The following PHACTR1 variants were observed in gnomAD, a reference collection of about 807,000 sequenced individuals.
PHACTR1 encodes phosphatase and actin regulator 1.
PHACTR1 carries 16 observed loss-of-function variants against 69.2 expected under a neutral mutation model. The ratio of observed to expected loss-of-function variants is 0.23; its 90% CI spans 0.16 to 0.35. PHACTR1 has a LOEUF of 0.35. Ranked by LOEUF, PHACTR1 falls within the 10% of genes least tolerant of loss-of-function variation. The probability of loss-of-function intolerance (pLI) is 1.00; values close to 1 mark genes in which losing one functional copy is unlikely to be tolerated. For synonymous variants in PHACTR1, 312 were observed against 284.5 expected, an observed-to-expected ratio of 1.10 and a Z score of -0.97; for missense variants, 510 against 734.7, an observed-to-expected ratio of 0.69 and a Z score of 3.54.
intron 8 of PHACTR1, among the ~76,000 whole-genome samples, chr6:13,209,206 G>A (rs1179470386): frequency 6.6e-6 from 1 of 152,198 alleles, no homozygotes; most frequent in African/African-American, 2.4e-5. Context: ...CAAGGTCACA[G>A]GCCACACTTT....
At chr6:12,778,831 T>G (rs1055076481) in intron 4 of PHACTR1, among the ~76,000 whole-genome samples, 1 of 152,204 alleles carries the variant, frequency 6.6e-6, no homozygotes, top group Non-Finnish European at 1.5e-5. Context: ...TTTTTCTGTA[T>G]AGTATATTAC....
At chr6:13,266,788 T>C (rs1776788152) in intron 10 of PHACTR1, 2 of 152,222 alleles carry the variant, frequency 1.3e-5, no homozygotes, top group African/African-American at 4.8e-5. Flanking sequence ...ACTAAACCGT[T>C]CATGAAAAAC....
At chr6:12,810,096 A>G (rs1774851762) in intron 4 of PHACTR1, among the ~76,000 whole-genome samples, 1 of 152,230 alleles carries the variant, frequency 6.6e-6, no homozygotes, top group Admixed American at 6.5e-5. Flanking sequence ...TCTTATTCAC[A>G]TTCAGTTTTG....
At chr6:13,067,739 A>G (rs973955493) in intron 5 of PHACTR1, among the ~76,000 whole-genome samples, 1 of 152,234 alleles carries the variant, frequency 6.6e-6, no homozygotes, top group African/African-American at 2.4e-5. Context: ...ATATATAGGA[A>G]CAAAATATGC....
At chr6:12,775,267 A>G (rs1022874365) in intron 4 of PHACTR1, among the ~76,000 whole-genome samples, 14 of 152,182 alleles carry the variant, frequency 9.2e-5, no homozygotes, top group Admixed American at 9.2e-4. Flanking sequence ...TCTACTCTCA[A>G]AAATACCCCT....
intron 4 of PHACTR1, among the ~76,000 whole-genome samples, chr6:12,810,183 C>T (rs997122737): frequency 1.3e-5 from 2 of 152,134 alleles, no homozygotes; most frequent in Non-Finnish European, 2.9e-5. Flanking sequence ...TTATTTTTCT[C>T]TTCATATAAT....
intron 4 of PHACTR1, among the ~76,000 whole-genome samples, chr6:13,035,680 C>A (rs1561726596): frequency 3.3e-5 from 5 of 152,148 alleles, no homozygotes; most frequent in African/African-American, 1.2e-4. Context: ...TACAAGAGCC[C>A]TATGAAGAAA....
At chr6:13,018,926 T>C (rs1800561250) in intron 4 of PHACTR1, among the ~76,000 whole-genome samples, 1 of 152,102 alleles carries the variant, frequency 6.6e-6, no homozygotes, top group African/African-American at 2.4e-5. Flanking sequence ...TTGCCCAGGC[T>C]GGAGTGCAGA....
intron 4 of PHACTR1, among the ~76,000 whole-genome samples, chr6:12,850,216 G>C (rs770286160): frequency 3.3e-5 from 5 of 152,058 alleles, no homozygotes; most frequent in Non-Finnish European, 5.9e-5. Flanking sequence ...TCCTTCTTCC[G>C]TCACAACTTC....
intron 4 of PHACTR1, among the ~76,000 whole-genome samples, chr6:12,859,894 CAGA>C (rs1251123899): frequency 6.6e-6 from 1 of 152,072 alleles, no homozygotes; most frequent in Non-Finnish European, 1.5e-5. Context: ...CAATATTCTG[CAGA>C]AGGTTTTTAG....
Position 13,014,285 on chromosome 6 carries a change from C to G in PHACTR1, c.251-39080C>G, listed in dbSNP as rs1045740694. Among the ~76,000 whole-genome samples, 3 of 152,266 alleles carry G rather than the reference C, an allele frequency of 2.0e-5. No individual in the cohort carries two copies. In the South Asian group the frequency reaches 6.2e-4, roughly 32 times the overall value. ...GCACTCCACCCAGACATGACAGCCGCCCGCCGGGCACTTTGCAGAGTGCCA... is the reference window on the plus strand; with the variant it reads ...GCACTCCACCCAGACATGACAGCCGGCCGCCGGGCACTTTGCAGAGTGCCA... On this transcript the variant is annotated intron_variant, in intron 4 of 14. Coordinates refer to ENST00000332995, the MANE Select transcript of PHACTR1 (RefSeq NM_030948.6).
chr6:13,065,884 A>G (rs970418491), intron 5 of PHACTR1, among the ~76,000 whole-genome samples: 9 of 152,050 alleles, frequency 5.9e-5, no homozygotes, highest in Non-Finnish European at 1.2e-4. Context: ...CAAGTTGAAT[A>G]GCCTTCAGCA....
chr6:12,777,474 G>T (rs1770220202), intron 4 of PHACTR1, among the ~76,000 whole-genome samples: 1 of 151,960 alleles, frequency 6.6e-6, no homozygotes, highest in Non-Finnish European at 1.5e-5. Context: ...ACTTACAAGT[G>T]AGAACATGCG....
intron 3 of PHACTR1, among the ~76,000 whole-genome samples, chr6:12,742,350 A>T (rs894784443): frequency 6.6e-6 from 1 of 152,140 alleles, no homozygotes; most frequent in African/African-American, 2.4e-5. Context: ...GTAAACTGTC[A>T]TGGCTCTGAT....
At chr6:12,746,837 G>A (rs1765841358) in intron 3 of PHACTR1, among the ~76,000 whole-genome samples, 1 of 152,174 alleles carries the variant, frequency 6.6e-6, no homozygotes, top group South Asian at 2.1e-4. Context: ...CATGGCTGAT[G>A]AATGAGAATA....
chr6:12,805,595 C>T (rs1424292004), intron 4 of PHACTR1, among the ~76,000 whole-genome samples: 2 of 149,866 alleles, frequency 1.3e-5, no homozygotes, highest in Non-Finnish European at 3.0e-5. Context: ...CTCTGTCTCT[C>T]TTTCTTTCTT....
In PHACTR1 at chr6:13,136,916, C is replaced by T. The variant is rs368065501; in HGVS notation, c.416-23288C>T. Among the ~76,000 whole-genome samples the T allele has an allele frequency of 8.5e-5, 13 of 152,208 alleles. No individual in the cohort carries two copies. In the Middle Eastern group the frequency reaches 0.017, roughly 199 times the overall value. On this transcript the variant is annotated intron_variant, in intron 5 of 14. Transcript: ENST00000332995. ...ACAATAGTAACATCAAAGATCAGAT[C>T]GCCATAATTACAGATCACCATAACA... is the stretch of plus-strand genomic sequence containing the variant.
intron 4 of PHACTR1, among the ~76,000 whole-genome samples, chr6:12,864,143 G>A (rs552752997): frequency 6.6e-6 from 1 of 152,274 alleles, no homozygotes; most frequent in South Asian, 2.1e-4. Context: ...AATCCACTGA[G>A]TGTCAATCAC....
chr6:12,879,905 TGTA>T (rs1782915898), intron 4 of PHACTR1, among the ~76,000 whole-genome samples: 2 of 152,172 alleles, frequency 1.3e-5, no homozygotes, highest in Admixed American at 6.5e-5. Flanking sequence ...CCTCTATCCT[TGTA>T]GTAGCTAGGA....
Sources: gnomAD v4.1 joint callset for allele counts (sites outside exome capture counted in the v4.1 genomes callset) on GRCh38, gnomAD v4.1.1 for gene constraint, MANE v1.5 for transcripts, NCBI Gene and HGNC (gene_info 2026-07-23, HGNC 2026-07-21) for gene names.